The following PCBP2 variants were observed in gnomAD, a reference collection of about 807,000 sequenced individuals.
The protein encoded by PCBP2 is poly(rC) binding protein 2, also known as poly(rC)-binding protein 2.
PCBP2 carries 4 observed loss-of-function variants against 50.1 expected under a neutral mutation model. The observed-to-expected ratio is 0.08, with a 90% CI of 0.04 to 0.18. PCBP2 has a LOEUF of 0.18. Ranked by LOEUF, PCBP2 falls within the 10% of genes least tolerant of loss-of-function variation. PCBP2 has a pLI of 1.00. For missense variants in PCBP2, 161 were observed against 474.3 expected, an observed-to-expected ratio of 0.34 and a Z score of 6.14; for synonymous variants, 179 against 168.0, an observed-to-expected ratio of 1.07 and a Z score of -0.51.
chr12:53,462,183 A>C (rs1043422390), intron 7 of PCBP2, among the ~76,000 whole-genome samples: 3 of 152,238 alleles, frequency 2.0e-5, no homozygotes, highest in African/African-American at 7.2e-5. Context: ...ATCAACAAAA[A>C]TATACGTTTA....
intron 14 of PCBP2, among the ~76,000 whole-genome samples, chr12:53,472,294 G>C (rs974662973): frequency 6.6e-6 from 1 of 152,208 alleles, no homozygotes; most frequent in Non-Finnish European, 1.5e-5. Flanking sequence ...CACTGCATGT[G>C]TGTTTTATTC....
intron 8 of PCBP2, among the ~76,000 whole-genome samples, chr12:53,462,980 C>T (rs1216748049): frequency 6.6e-6 from 1 of 152,102 alleles, no homozygotes; most frequent in African/African-American, 2.4e-5. Flanking sequence ...ATTTGAGTGT[C>T]CTACAAACTT....
Position 53,467,202 on chromosome 12 carries a change from T to TC in PCBP2, c.715-17dup. ...TCTGTTAAATCTTCTAATGCCAACC[T>TC]CCTGTTTCCTCCTTGCAGTTGACCA... On this transcript the variant is annotated intron_variant, in intron 10 of 14. Transcript: ENST00000546463. 1 of 1,603,908 alleles carries TC rather than the reference T, an allele frequency of 6.2e-7. No homozygotes were observed.
intron 14 of PCBP2, chr12:53,475,088 T>A (rs2137119635): frequency 2.2e-6 from 1 of 456,266 alleles, no homozygotes; most frequent in East Asian, 6.9e-5. Context: ...AACCCATCCC[T>A]CTCCTGGCTC....
chr12:53,459,376 T>G lies in PCBP2; in HGVS notation c.348T>G (p.Gly116=). 1 of 1,613,162 alleles carries G rather than the reference T, an allele frequency of 6.2e-7. No individual in the cohort carries two copies. The highest frequency in any genetic ancestry group is 8.5e-7 in the Non-Finnish European group (1 of 1,179,358). The change falls in exon 6 of 15, where the codon GGT becomes GGG. Residue 116 remains glycine, a synonymous_variant. Transcript: ENST00000546463. The part of the protein sequence containing the change: ...ASQCGSLIGK[G]GCKIKEIRES... Reference sequence around the variant, plus strand: ...AGTGTGGCTCTCTCATTGGAAAAGGTGGATGCAAGATCAAGGAAATACGAG... The same window carrying G: ...AGTGTGGCTCTCTCATTGGAAAAGGGGGATGCAAGATCAAGGAAATACGAG...
At chr12:53,457,827 A>T (rs1359013632) in intron 5 of PCBP2, among the ~76,000 whole-genome samples, 1 of 152,212 alleles carries the variant, frequency 6.6e-6, no homozygotes, top group Admixed American at 6.5e-5. Flanking sequence ...TAATCTTCAG[A>T]AGGCTAAATT....
Position 53,479,505 on chromosome 12 carries a change from T to G in PCBP2, c.*63T>G. Reference sequence around the variant, plus strand: ...CACCACCACCCATGATCCATCTGTGTAGTTTCTGAACAGTCAGCGATTCCA... The same window carrying G: ...CACCACCACCCATGATCCATCTGTGGAGTTTCTGAACAGTCAGCGATTCCA... On this transcript the variant is annotated 3_prime_UTR_variant, in exon 15 of 15. Transcript: ENST00000546463. 1 of 1,455,314 alleles carries G rather than the reference T, an allele frequency of 6.9e-7. No individual in the cohort carries two copies. Among genetic ancestry groups the G allele is most frequent in the Middle Eastern group, 2.2e-4 (1 of 4,506 alleles). The allele number at this position is 1,455,314 out of a possible 1,614,324, so 90.2% of individuals were successfully genotyped here.
intron 7 of PCBP2, among the ~76,000 whole-genome samples, chr12:53,461,771 G>A (rs997460962): frequency 2.6e-5 from 4 of 152,146 alleles, no homozygotes; most frequent in African/African-American, 7.2e-5. Context: ...GTGCAGTGGT[G>A]CAGTATCGGC....
intron 6 of PCBP2, chr12:53,459,996 C>G (rs1212299332): frequency 8.6e-6 from 3 of 349,836 alleles, no homozygotes; most frequent in African/African-American, 4.2e-5. Context: ...TGAGCTCAAG[C>G]AATCCACCCA....
At chr12:53,477,245 A>G (rs1414905568) in intron 14 of PCBP2, among the ~76,000 whole-genome samples, 1 of 152,148 alleles carries the variant, frequency 6.6e-6, no homozygotes, top group African/African-American at 2.4e-5. Context: ...CCTAGATCTA[A>G]TGGTATCTAG....
At chr12:53,456,941 C>T (rs879638015) in intron 5 of PCBP2, among the ~76,000 whole-genome samples, 9 of 152,116 alleles carry the variant, frequency 5.9e-5, no homozygotes, top group African/African-American at 1.2e-4. Context: ...AGAAATGTTA[C>T]CTTTTGACCC....
intron 14 of PCBP2, chr12:53,474,836 C>T: frequency 2.7e-6 from 1 of 364,446 alleles, no homozygotes; most frequent in Non-Finnish European, 5.5e-6. Flanking sequence ...TCCACCCACC[C>T]TTTTTTTTTG....
At chr12:53,468,744 C>T in intron 12 of PCBP2, 33 bp from the exon 13 acceptor site, 1 of 1,542,962 alleles carries the variant, frequency 6.5e-7, no homozygotes, top group Non-Finnish European at 9.0e-7. Flanking sequence ...GAATGCTGTG[C>T]ATTGAATTTG....
intron 2 of PCBP2, 145 bp downstream of exon 2, chr12:53,455,014 A>T: frequency 1.3e-6 from 1 of 754,108 alleles, no homozygotes; most frequent in Non-Finnish European, 2.3e-6. Flanking sequence ...AAGTGAGTGT[A>T]GTGGGAAAAT....
intron 14 of PCBP2, among the ~76,000 whole-genome samples, chr12:53,476,826 G>A (rs928370335): frequency 2.6e-5 from 4 of 152,118 alleles, no homozygotes; most frequent in African/African-American, 9.7e-5. Flanking sequence ...CCTTTATCAT[G>A]TGGTCCAGCT....
intron 5 of PCBP2, among the ~76,000 whole-genome samples, chr12:53,456,499 GT>G (rs1308760048): frequency 6.6e-6 from 1 of 151,910 alleles, no homozygotes; most frequent in Admixed American, 6.6e-5. Flanking sequence ...AACAGTTTGA[GT>G]TTTGCCATGG....
At chr12:53,465,096 TCCTCCCACC>T in intron 9 of PCBP2, 1 of 354,402 alleles carries the variant, frequency 2.8e-6, no homozygotes, top group Non-Finnish European at 4.9e-6. Flanking sequence ...CCTCTCCCAC[TCCTCCCACC>T]CCATTTTCAC....
chr12:53,458,900 A>G (rs1368619225), intron 5 of PCBP2, among the ~76,000 whole-genome samples: 1 of 152,146 alleles, frequency 6.6e-6, no homozygotes, highest in Non-Finnish European at 1.5e-5. Context: ...TCAGCTTCCC[A>G]AAGTGCTGGG....
At chr12:53,466,326 C>CT (rs1941822111) in intron 10 of PCBP2, among the ~76,000 whole-genome samples, 1 of 152,154 alleles carries the variant, frequency 6.6e-6, no homozygotes, top group Non-Finnish European at 1.5e-5. Context: ...ATGCAGTTCT[C>CT]TTTTCCATGA....
Sources: allele counts gnomAD v4.1 joint callset (sites outside exome capture counted in the v4.1 genomes callset), GRCh38; gene constraint gnomAD v4.1.1; transcripts MANE v1.5; gene names NCBI Gene and HGNC (gene_info 2026-07-23, HGNC 2026-07-21).